AP5Z1: variants seen among roughly 807,000 people sequenced by gnomAD.
AP5Z1 encodes the protein adaptor related protein complex 5 subunit zeta 1.
In AP5Z1, 106 loss-of-function variants were observed where a neutral mutation model predicts 83.0. The observed-to-expected ratio is 1.28, with a 90% CI of 1.09 to 1.50. The LOEUF (loss-of-function observed/expected upper bound fraction) is 1.50. Ranked by LOEUF, AP5Z1 falls within the 40% of genes most tolerant of loss-of-function variation. The probability of loss-of-function intolerance (pLI) is 0.00; values close to 1 mark genes in which losing one functional copy is unlikely to be tolerated. For missense variants in AP5Z1, 1,565 were observed against 1,094.2 expected (o/e 1.43, Z -6.07); for synonymous variants, 751 against 514.1 (o/e 1.46, Z -6.23).
At chr7:4,786,793 G>A (rs1311406930) in intron 10 of AP5Z1, among the ~76,000 whole-genome samples, 1 of 151,612 alleles carries the variant, frequency 6.6e-6, no homozygotes, top group African/African-American at 2.4e-5. Context: ...CTTTTGAGAT[G>A]GAGTCTCATT....
intron 7 of AP5Z1, 28 bp from the exon 8 acceptor site, chr7:4,785,387 G>A (rs1247420017): frequency 2.5e-6 from 4 of 1,611,278 alleles, no homozygotes; most frequent in Non-Finnish European, 3.4e-6. Flanking sequence ...CTGAGACAGA[G>A]CCGGCTGACT....
chr7:4,784,024 C>T (rs548627721), intron 5 of AP5Z1, among the ~76,000 whole-genome samples, 179 bp from the exon 6 acceptor site: 5 of 152,232 alleles, frequency 3.3e-5, no homozygotes, highest in East Asian at 1.9e-4. Flanking sequence ...GCAGGGTGTG[C>T]GACGCGCGTC....
Position 4,784,315 on chromosome 7 carries a change from TG to T in AP5Z1, c.735del (p.Met245IlefsTer32). 6.3e-7 allele frequency: 1 copy of T among 1,590,160 alleles called. No homozygotes were observed. ...DQWLNVQAFS[M>X]LRAWLLHSGP... ...TGGCTGAACGTGCAGGCCTTCTCTA[TG>T]CTGCGGGCGTGGCTGCTGCACAGCG... is the stretch of plus-strand genomic sequence containing the variant. On this transcript the variant is annotated frameshift_variant, in exon 6 of 17. Transcript: ENST00000649063. LOFTEE classifies it high-confidence loss of function.
In AP5Z1 at chr7:4,784,382, TG is replaced by T. The variant is rs762521850; in HGVS notation, c.790+17del. On this transcript the variant is annotated intron_variant, in intron 6 of 16. Coordinates refer to ENST00000649063, the MANE Select transcript of AP5Z1 (RefSeq NM_014855.3). ...GCACCCTGGACACAGGTGTGCGGGG[TG>T]GGGGGATGACGTCAGACAGGGGTGG... 6.0e-6 allele frequency: 7 copies of T among 1,176,376 alleles called. No individual in the cohort carries two copies. Among genetic ancestry groups the T allele is most frequent in the Non-Finnish European group, 6.8e-6 (6 of 888,852 alleles). The allele number at this position is 1,176,376 out of a possible 1,614,324, so 72.9% of individuals were successfully genotyped here.
rs550649069 is a variant in AP5Z1 at position 4,782,604 on chromosome 7, T to G, written c.367-712T>G. Among the ~76,000 whole-genome samples, 129 of 152,174 alleles carry G rather than the reference T, an allele frequency of 8.5e-4. 7 individuals are homozygous for G. In the South Asian group the frequency reaches 0.025, roughly 29 times the overall value. The stretch of plus-strand genomic sequence containing the variant: ...GTGGGCCCCGGCGTACTCAGGGCGT[T>G]GTACTTCATCACTGGGGTCATCCTG... On this transcript the variant is annotated intron_variant, in intron 3 of 16. Transcript: ENST00000649063.
chr7:4,790,023 C>T, intron 14 of AP5Z1, 94 bp downstream of exon 14: 1 of 908,342 alleles, frequency 1.1e-6, no homozygotes, highest in Non-Finnish European at 1.5e-6. Context: ...GTGGCTTCGG[C>T]ACCACCCCTA....
At chr7:4,777,494 TCTC>T (rs1402552495) in intron 1 of AP5Z1, among the ~76,000 whole-genome samples, 1 of 151,962 alleles carries the variant, frequency 6.6e-6, no homozygotes, top group Non-Finnish European at 1.5e-5. Flanking sequence ...TTCAAGCAAT[TCTC>T]CTGCCTCAGC....
Position 4,783,696 on chromosome 7 carries a change from C to G in AP5Z1, c.519C>G (p.Ala173=), listed in dbSNP as rs1440490862. 2 of 1,550,322 alleles carry G rather than the reference C, an allele frequency of 1.3e-6. No individual in the cohort carries two copies. Among genetic ancestry groups the G allele is most frequent in the African/African-American group, 1.4e-5 (1 of 73,058 alleles). ...CCACCCCACCCACTGCAGACCAGGC[C>G]ACCCTGCTCAGCAAGCGGCTGGTCG... The part of the protein sequence containing the change: ...LSPGTLQEDQ[A]TLLSKRLVDW... The change falls in exon 5 of 17, where the codon GCC becomes GCG. Residue 173 remains alanine (A), a synonymous_variant. Coordinates refer to ENST00000649063, the MANE Select transcript of AP5Z1 (RefSeq NM_014855.3).
At chr7:4,785,711 C>A (rs1188054858) in intron 9 of AP5Z1, 27 bp downstream of exon 9, 1 of 1,453,538 alleles carries the variant, frequency 6.9e-7, no homozygotes, top group Admixed American at 2.5e-5. Flanking sequence ...GTGGCGCTGA[C>A]TCGGGGCTCT....
At position 4,785,038 on chromosome 7, in the gene AP5Z1, A is replaced by T. The variant is rs748029754; in HGVS notation, c.921A>T (p.Gln307His). Residue 307 changes from glutamine to histidine, a missense_variant, in exon 7 of 17, where the codon CAA becomes CAT. By Grantham distance (24) the Gln-to-His change is conservative. Transcript: ENST00000649063. Reference sequence around the variant, plus strand: ...AGTACTGCCAGCGCCTCATTGAGCAAAGTAACCGACGTGAGTCCCCCACCC... The same window carrying T: ...AGTACTGCCAGCGCCTCATTGAGCATAGTAACCGACGTGAGTCCCCCACCC... ...AFEYCQRLIE[Q>H]SNRRALRKGD... 1.9e-6 allele frequency: 3 copies of T among 1,601,350 alleles called. No individual in the cohort carries two copies. The highest frequency in any genetic ancestry group is 2.6e-6 in the Non-Finnish European group (3 of 1,171,542).
chr7:4,783,447 C>A lies in AP5Z1; in HGVS notation c.498C>A (p.Gly166=). 6.2e-7 allele frequency: 1 copy of A among 1,612,588 alleles called. No homozygotes were observed. Among genetic ancestry groups the A allele is most frequent in the Non-Finnish European group, 8.5e-7 (1 of 1,179,678 alleles). Reference sequence around the variant, plus strand: ...CCAAGGTCGTGGTCCTCAGCCCGGGCACCCTCCAGGAGGGTACGCGGGGCC... The same window carrying A: ...CCAAGGTCGTGGTCCTCAGCCCGGGAACCCTCCAGGAGGGTACGCGGGGCC... ...VMAKVVVLSP[G]TLQEDQATLL... Residue 166 remains glycine, a synonymous_variant, in exon 4 of 17, where the codon GGC becomes GGA. Transcript: ENST00000649063.
At chr7:4,776,562 CAAA>C (rs55916241) in intron 1 of AP5Z1, among the ~76,000 whole-genome samples, 2,498 of 82,360 alleles carry the variant, frequency 0.03, 26 homozygotes, top group Non-Finnish European at 0.051. Flanking sequence ...ACTGAAAATA[CAAA>C]AAAAAAAAAA....
At position 4,786,397 on chromosome 7, in the gene AP5Z1, C is replaced by T. The variant is rs1272215733; in HGVS notation, c.1280C>T (p.Thr427Ile). ...CACCTGTTCAGCGGGCACCTCAGCACCCTCAGATTGAGCTTCCCCAACCTC... is the reference window on the plus strand; with the variant it reads ...CACCTGTTCAGCGGGCACCTCAGCATCCTCAGATTGAGCTTCCCCAACCTC... ...NLHLFSGHLS[T>I]LRLSFPNLFK... is the part of the protein sequence containing the mutation. Residue 427 changes from threonine to isoleucine, a missense_variant, in exon 10 of 17, where the codon ACC (threonine) becomes ATC (isoleucine). By Grantham distance (89) the Thr-to-Ile change is moderately conservative. Coordinates refer to ENST00000649063, the MANE Select transcript of AP5Z1 (RefSeq NM_014855.3). 3 of 1,613,894 alleles carry T rather than the reference C, an allele frequency of 1.9e-6. No individual in the cohort carries two copies. Among genetic ancestry groups the T allele is most frequent in the Middle Eastern group, 3.3e-4 (2 of 6,056 alleles).
Position 4,785,525 on chromosome 7 carries a change from C to A in AP5Z1, c.973C>A (p.Leu325Met), listed in dbSNP as rs766343074. 17 of 1,613,286 alleles carry A rather than the reference C, an allele frequency of 1.1e-5. 1 individual carries two copies. In the African/African-American group the frequency reaches 1.1e-4, roughly 10 times the overall value. ...TGATGTGGTCCATGTCCCGCAGTGC[C>A]TGGTGGAGGCCGTGCTGGTGCTGGA... is the stretch of plus-strand genomic sequence containing the variant. ...KGDSDLQKAC[L>M]VEAVLVLDVL... The change falls in exon 9 of 17, where the codon CTG becomes ATG. Residue 325 changes from leucine to methionine, a missense_variant. Physicochemically the swap from Leu to Met is conservative, Grantham distance 15. Coordinates refer to ENST00000649063, the MANE Select transcript of AP5Z1 (RefSeq NM_014855.3).
chr7:4,784,486 A>G (rs933517650), intron 6 of AP5Z1, 115 bp downstream of exon 6: 3 of 1,310,052 alleles, frequency 2.3e-6, no homozygotes, highest in African/African-American at 1.5e-5. Context: ...AGGATGCAGC[A>G]GAGGTCAGGA....
intron 13 of AP5Z1, among the ~76,000 whole-genome samples, chr7:4,789,318 T>G (rs374642249): frequency 6.6e-6 from 1 of 152,082 alleles, no homozygotes; most frequent in African/African-American, 2.4e-5. Context: ...ACAGGGCAAG[T>G]GAGTGGCCTG....
chr7:4,783,674 C>G lies in AP5Z1; in HGVS notation c.512-15C>G. 1 of 1,547,622 alleles carries G rather than the reference C, an allele frequency of 6.5e-7. No individual in the cohort carries two copies. Among genetic ancestry groups the G allele is most frequent in the Non-Finnish European group, 8.7e-7 (1 of 1,144,640 alleles). On this transcript the variant is annotated splice_polypyrimidine_tract_variant and intron_variant, in intron 4 of 16. Transcript: ENST00000649063. ...GATTCAACCTCACCTCCCCATGCCA[C>G]CCCACCCACTGCAGACCAGGCCACC...
chr7:4,791,238 G>A lies in AP5Z1; in HGVS notation c.2277G>A (p.Lys759=). ...TRATELLTLL[K]MPSVAQFVLT... ...CCACAGAGCTGCTGACCCTGCTGAA[G>A]ATGCCTAGCGTGGCCCAGTTTGTGC... is the stretch of plus-strand genomic sequence containing the variant. Residue 759 remains lysine (K), a synonymous_variant, in exon 17 of 17, where the codon AAG becomes AAA. Coordinates refer to ENST00000649063, the MANE Select transcript of AP5Z1 (RefSeq NM_014855.3). 4 of 1,612,828 alleles carry A rather than the reference G, an allele frequency of 2.5e-6. No homozygotes were observed. In the South Asian group the frequency reaches 4.4e-5, roughly 18 times the overall value.
chr7:4,776,347 GAA>G (rs887501937), intron 1 of AP5Z1, among the ~76,000 whole-genome samples: 1 of 151,938 alleles, frequency 6.6e-6, no homozygotes, highest in Non-Finnish European at 1.5e-5. Flanking sequence ...AGTCATGGGG[GAA>G]AACAGTGTAA....
Sources: gnomAD v4.1 joint callset for allele counts (sites outside exome capture counted in the v4.1 genomes callset) on GRCh38, gnomAD v4.1.1 for gene constraint, MANE v1.5 for transcripts, NCBI Gene and HGNC (gene_info 2026-07-23, HGNC 2026-07-21) for gene names.